Variants in TESK2 observed in about 807,000 individuals in gnomAD.
The protein encoded by TESK2 is dual specificity testis-specific protein kinase 2.
Under a neutral mutation model 57.1 loss-of-function variants are expected in TESK2, and 39 were observed. That is an observed-to-expected ratio of 0.68 (90% confidence interval 0.53 to 0.89). The LOEUF is 0.89. Among genes scored for constraint, TESK2 ranks in the 40% least tolerant of loss-of-function variants. The pLI is 0.00. For missense variants in TESK2, 646 were observed against 732.1 expected (o/e 0.88, Z 1.36); for synonymous variants, 249 against 267.9 (o/e 0.93, Z 0.69).
intron 2 of TESK2, among the ~76,000 whole-genome samples, chr1:45,451,681 G>A (rs914306470): frequency 5.3e-5 from 8 of 152,138 alleles, no homozygotes; most frequent in Non-Finnish European, 1.0e-4. Flanking sequence ...AAACTGGCTC[G>A]ACATTTGTGG....
chr1:45,398,080 T>A (rs1253885521), intron 3 of TESK2, among the ~76,000 whole-genome samples: 3 of 152,080 alleles, frequency 2.0e-5, no homozygotes, highest in Admixed American at 6.6e-5. Flanking sequence ...GCTAATTTTT[T>A]AATTTTTTTG....
chr1:45,470,075 G>A (rs1200459507), intron 1 of TESK2, among the ~76,000 whole-genome samples: 2 of 152,088 alleles, frequency 1.3e-5, no homozygotes, highest in East Asian at 3.8e-4. Context: ...GAATTCAGTG[G>A]ACTTTCACAC....
intron 1 of TESK2, among the ~76,000 whole-genome samples, chr1:45,485,150 AAC>A (rs1439248921): frequency 6.6e-6 from 1 of 152,074 alleles, no homozygotes; most frequent in Non-Finnish European, 1.5e-5. Context: ...GTTAATAAAG[AAC>A]AGAGATGGAA....
rs544841868 is a variant in TESK2 at position 45,352,968 on chromosome 1, G to A, written c.540+2335C>T. Reference sequence around the variant, plus strand: ...GGCTAGAGTGCAGTGGCACGATCTCGGCTCACCACAGCCACCATCTCCTGG... The same window carrying A: ...GGCTAGAGTGCAGTGGCACGATCTCAGCTCACCACAGCCACCATCTCCTGG... On this transcript the variant is annotated intron_variant, in intron 5 of 10. Transcript: ENST00000372086. Among the ~76,000 whole-genome samples, 109 of 151,672 alleles carry A rather than the reference G, an allele frequency of 7.2e-4. 1 individual carries two copies. The highest frequency in any genetic ancestry group is 3.6e-3 in the Admixed American group (55 of 15,230).
intron 3 of TESK2, among the ~76,000 whole-genome samples, chr1:45,398,214 C>T (rs961853356): frequency 2.0e-5 from 3 of 151,886 alleles, no homozygotes; most frequent in Admixed American, 6.5e-5. Flanking sequence ...TGGCCTGTCA[C>T]TGAATTCTTA....
intron 4 of TESK2, among the ~76,000 whole-genome samples, chr1:45,375,422 C>CCT (rs1421313287): frequency 1.6e-5 from 2 of 126,070 alleles, no homozygotes; most frequent in Admixed American, 8.7e-5. Context: ...GTTCCTTCAC[C>CCT]CTTTTTTTTT....
chr1:45,376,147 T>C lies in TESK2; in HGVS notation c.393+9765A>G, dbSNP rs533756474. On this transcript the variant is annotated intron_variant, in intron 4 of 10. Transcript: ENST00000372086. ...TATTTGTAGAAATATTTTTTGCACA[T>C]AGAAGTTTAAGTGAAATAAACTTCT... is the stretch of plus-strand genomic sequence containing the variant. 4.6e-5 allele frequency among the ~76,000 whole-genome samples: 7 copies of C among 151,658 alleles called. No homozygotes were observed. The South Asian group carries it at 8.3e-4, about 18-fold the overall frequency.
Position 45,425,695 on chromosome 1 carries a change from A to T in TESK2, c.223-3849T>A, listed in dbSNP as rs1050263521. On this transcript the variant is annotated intron_variant, in intron 2 of 10. Transcript: ENST00000372086. ...TTCTCTACAATGAAAGTTATAAAAC[A>T]TTGATGTAAGAAACTAAAGATACAA... 3.9e-5 allele frequency among the ~76,000 whole-genome samples: 6 copies of T among 152,232 alleles called. No individual in the cohort carries two copies. The South Asian group carries it at 8.3e-4, about 21-fold the overall frequency.
intron 2 of TESK2, among the ~76,000 whole-genome samples, chr1:45,447,681 T>C (rs1284065642): frequency 6.6e-6 from 1 of 152,196 alleles, no homozygotes; most frequent in Admixed American, 6.6e-5. Context: ...CTTTATCAAG[T>C]ATTACATTCT....
At chr1:45,386,663 C>CTTTTTTTTTTTTTTTTTTTTTT (rs1314196507) in intron 3 of TESK2, among the ~76,000 whole-genome samples, 1 of 150,364 alleles carries the variant, frequency 6.7e-6, no homozygotes, top group African/African-American at 2.4e-5. Context: ...GGTTTTGTTG[C>CTTTTTTTTTTTTTTTTTTTTTT]TTTTTTTTTG....
At chr1:45,354,807 A>T (rs1482862412) in intron 5 of TESK2, among the ~76,000 whole-genome samples, 2 of 68,586 alleles carry the variant, frequency 2.9e-5, no homozygotes, top group Non-Finnish European at 5.1e-5. Flanking sequence ...AAAAAAAAAA[A>T]AAAAAAAAAT....
intron 1 of TESK2, among the ~76,000 whole-genome samples, chr1:45,472,896 G>T (rs1265720977): frequency 6.6e-6 from 1 of 151,408 alleles, no homozygotes; most frequent in Non-Finnish European, 1.5e-5. Flanking sequence ...CCAGCACTTT[G>T]GGAAGCCAAG....
intron 2 of TESK2, among the ~76,000 whole-genome samples, chr1:45,438,948 A>G (rs1429992876): frequency 6.6e-6 from 1 of 152,196 alleles, no homozygotes; most frequent in Non-Finnish European, 1.5e-5. Context: ...CACTCTCTAG[A>G]CAATTTCATA....
intron 1 of TESK2, among the ~76,000 whole-genome samples, chr1:45,465,423 AG>A (rs1652506092): frequency 1.3e-5 from 2 of 149,848 alleles, no homozygotes; most frequent in African/African-American, 5.0e-5. Flanking sequence ...AAAGAGAGAG[AG>A]AGAGAGAGAG....
intron 4 of TESK2, among the ~76,000 whole-genome samples, chr1:45,382,883 C>A (rs919101678): frequency 2.0e-4 from 31 of 152,044 alleles, no homozygotes; most frequent in African/African-American, 7.0e-4. Context: ...AAAAAAAAAT[C>A]TTTAGTCTAT....
chr1:45,347,540 T>C, intron 7 of TESK2, 69 bp downstream of exon 7: 3 of 1,440,502 alleles, frequency 2.1e-6, no homozygotes, highest in Non-Finnish European at 2.9e-6. Context: ...CTGAGCAACA[T>C]AGTGAGACCA....
In TESK2 at chr1:45,385,905, G is replaced by A. The variant is rs190062701; in HGVS notation, c.393+7C>T. 10 of 1,600,312 alleles carry A rather than the reference G, an allele frequency of 6.2e-6. No individual in the cohort carries two copies. In the African/African-American group the frequency reaches 1.2e-4, roughly 19 times the overall value. On this transcript the variant is annotated splice_region_variant and intron_variant, in intron 4 of 10. Transcript: ENST00000372086. Reference sequence around the variant, plus strand: ...ATACGTTACTTCAACACTTACTGATGTCTTACCTCTGTAAGTGCATGCAAT... The same window carrying A: ...ATACGTTACTTCAACACTTACTGATATCTTACCTCTGTAAGTGCATGCAAT...
intron 1 of TESK2, among the ~76,000 whole-genome samples, chr1:45,468,968 T>C (rs1037105725): frequency 6.6e-6 from 1 of 152,200 alleles, no homozygotes; most frequent in Non-Finnish European, 1.5e-5. Context: ...ATGTGGCTTA[T>C]AAGGACACAA....
chr1:45,488,117 T>C (rs954217417), intron 1 of TESK2, among the ~76,000 whole-genome samples: 12 of 152,132 alleles, frequency 7.9e-5, no homozygotes, highest in Admixed American at 2.6e-4. Context: ...TCTCACAATG[T>C]TGCCCATGCT....
Sources: allele counts gnomAD v4.1 joint callset (sites outside exome capture counted in the v4.1 genomes callset), GRCh38; gene constraint gnomAD v4.1.1; transcripts MANE v1.5; gene names NCBI Gene and HGNC (gene_info 2026-07-23, HGNC 2026-07-21).